The following SOCS6 variants were observed in gnomAD, a reference collection of about 807,000 sequenced individuals.
The protein encoded by SOCS6 is STAT induced STAT inhibitor-4.
In SOCS6, 5 loss-of-function variants were observed where a neutral mutation model predicts 27.7. That is an observed-to-expected ratio of 0.18 (90% CI 0.09 to 0.38). The LOEUF is 0.38. Among genes scored for constraint, SOCS6 ranks in the 10% least tolerant of loss-of-function variants. The pLI is 1.00. For synonymous variants in SOCS6, 271 were observed against 260.0 expected (o/e 1.04, Z -0.41); for missense variants, 595 against 688.1 (o/e 0.86, Z 1.51).
At chr18:70,293,368 C>T (rs954182900) in intron 1 of SOCS6, among the ~76,000 whole-genome samples, 1 of 152,050 alleles carries the variant, frequency 6.6e-6, no homozygotes, top group African/African-American at 2.4e-5. Context: ...ACTGTCACTG[C>T]CTGTAGAGCT....
chr18:70,312,640 GAT>G (rs2062395082), intron 1 of SOCS6, among the ~76,000 whole-genome samples: 1 of 152,152 alleles, frequency 6.6e-6, no homozygotes, highest in African/African-American at 2.4e-5. Flanking sequence ...TAAAAATTGA[GAT>G]ATAATTTGCA....
rs548966973 is a variant in SOCS6, at chr18:70,313,037, C to T, written c.-126-11506C>T. 3.3e-5 allele frequency among the ~76,000 whole-genome samples: 5 copies of T among 152,254 alleles called. No homozygotes were observed. The South Asian group carries it at 1.0e-3, about 32-fold the overall frequency. Reference sequence around the variant, plus strand: ...CCTCGTGATCCACCTGCTTCAGCCTCCCAAAGTGCTGGGATTACAGGCGTG... The same window carrying T: ...CCTCGTGATCCACCTGCTTCAGCCTTCCAAAGTGCTGGGATTACAGGCGTG... On this transcript the variant is annotated intron_variant, in intron 1 of 1. Coordinates refer to ENST00000397942, the MANE Select transcript of SOCS6 (RefSeq NM_004232.4).
chr18:70,306,970 TAAG>T (rs1387504541), intron 1 of SOCS6, among the ~76,000 whole-genome samples: 1 of 152,130 alleles, frequency 6.6e-6, no homozygotes, highest in African/African-American at 2.4e-5. Flanking sequence ...GATGTTTTGT[TAAG>T]AAGTTTTGGC....
chr18:70,297,609 G>T (rs1170698373), intron 1 of SOCS6, among the ~76,000 whole-genome samples: 1 of 152,110 alleles, frequency 6.6e-6, no homozygotes, highest in African/African-American at 2.4e-5. Context: ...GCATCTTTGG[G>T]AACCCACAAT....
rs754128675 is a variant in SOCS6 at position 70,328,062 on chromosome 18, A to G, written c.*1786A>G. On this transcript the variant is annotated 3_prime_UTR_variant, in exon 2 of 2. Transcript: ENST00000397942. ...TTGTTAAAAAGACTCTCATTTTCTC[A>G]TATGTTTTCTCCTAATAAGATGGAA... 1 of 166,920 alleles carries G rather than the reference A, an allele frequency of 6.0e-6. No individual in the cohort carries two copies. The highest frequency in any genetic ancestry group is 6.5e-5 in the Admixed American group (1 of 15,286). 10.3% of individuals were successfully genotyped at this position (166,920 alleles called of 1,614,324 possible).
chr18:70,303,905 G>A (rs1264054569), intron 1 of SOCS6, among the ~76,000 whole-genome samples: 1 of 152,150 alleles, frequency 6.6e-6, no homozygotes, highest in Non-Finnish European at 1.5e-5. Flanking sequence ...AGTTTAATTT[G>A]TATATCTCTG....
At chr18:70,310,011 A>G (rs745597591) in intron 1 of SOCS6, among the ~76,000 whole-genome samples, 2 of 152,234 alleles carry the variant, frequency 1.3e-5, no homozygotes, top group African/African-American at 4.8e-5. Context: ...ATAAATTACT[A>G]TATGTTGTAT....
chr18:70,306,545 G>T (rs2062370523), intron 1 of SOCS6, among the ~76,000 whole-genome samples: 1 of 151,048 alleles, frequency 6.6e-6, no homozygotes, highest in Non-Finnish European at 1.5e-5. Context: ...GAATAAAGAT[G>T]GTTTTATTTC....
At chr18:70,293,832 C>T (rs986425979) in intron 1 of SOCS6, among the ~76,000 whole-genome samples, 6 of 152,124 alleles carry the variant, frequency 3.9e-5, no homozygotes, top group African/African-American at 1.4e-4. Context: ...GTGGCTCGCG[C>T]CTGTAATCCC....
chr18:70,293,759 A>G (rs1004813420), intron 1 of SOCS6, among the ~76,000 whole-genome samples: 1 of 152,072 alleles, frequency 6.6e-6, no homozygotes, highest in African/African-American at 2.4e-5. Context: ...TCCTTTACGT[A>G]TATAATAATG....
intron 1 of SOCS6, among the ~76,000 whole-genome samples, chr18:70,315,243 G>T (rs752491118): frequency 6.6e-6 from 1 of 151,976 alleles, no homozygotes; most frequent in Non-Finnish European, 1.5e-5. Context: ...TTTTCTGTGT[G>T]CTCTGAAGTG....
At chr18:70,306,275 C>G (rs1260153185) in intron 1 of SOCS6, among the ~76,000 whole-genome samples, 9 of 151,176 alleles carry the variant, frequency 6.0e-5, no homozygotes, top group Admixed American at 3.3e-4. Context: ...GAGATCAAGA[C>G]CATCCTGGCC....
At chr18:70,311,931 A>C (rs1439142372) in intron 1 of SOCS6, among the ~76,000 whole-genome samples, 2 of 149,730 alleles carry the variant, frequency 1.3e-5, no homozygotes, top group Non-Finnish European at 3.0e-5. Context: ...GTGAGCTCTA[A>C]AATCAGTTGT....
rs1911302726 is a variant in SOCS6, at chr18:70,328,692, A to C, written c.*2416A>C. ...TGATAAAATCAAACTATTTGCCAAA[A>C]AGTTAAATTTACAAGCAGAAAGATG... is the stretch of plus-strand genomic sequence containing the variant. On this transcript the variant is annotated 3_prime_UTR_variant, in exon 2 of 2. Transcript: ENST00000397942. The C allele has an allele frequency of 6.0e-6, 1 of 166,940 alleles. No individual in the cohort carries two copies. Among genetic ancestry groups the C allele is most frequent in the African/African-American group, 2.4e-5 (1 of 41,414 alleles). The allele number at this position is 166,940 out of a possible 1,614,324, so 10.3% of individuals were successfully genotyped here. A position where few individuals can be genotyped will look rare whatever the true frequency, so the allele number is the denominator to read the frequency against.
intron 1 of SOCS6, among the ~76,000 whole-genome samples, chr18:70,315,305 C>G (rs1200747789): frequency 6.6e-6 from 1 of 151,786 alleles, no homozygotes; most frequent in South Asian, 2.1e-4. Flanking sequence ...TTTTCTTTCT[C>G]CTGAAGGAAA....
intron 1 of SOCS6, among the ~76,000 whole-genome samples, chr18:70,300,581 T>G (rs567408134): frequency 1.3e-5 from 2 of 152,242 alleles, no homozygotes; most frequent in Non-Finnish European, 2.9e-5. Context: ...GGAAAGTTGT[T>G]CATTGCTGGT....
At chr18:70,302,557 T>G (rs2062352941) in intron 1 of SOCS6, among the ~76,000 whole-genome samples, 1 of 152,094 alleles carries the variant, frequency 6.6e-6, no homozygotes. Context: ...CGGAGTTGAA[T>G]TTACTAATAT....
At chr18:70,304,074 G>T (rs1258572180) in intron 1 of SOCS6, among the ~76,000 whole-genome samples, 1 of 152,050 alleles carries the variant, frequency 6.6e-6, no homozygotes, top group Admixed American at 6.5e-5. Flanking sequence ...AAATACAGGA[G>T]GATATATGAT....
At chr18:70,313,352 T>G (rs1404249035) in intron 1 of SOCS6, among the ~76,000 whole-genome samples, 3 of 152,038 alleles carry the variant, frequency 2.0e-5, no homozygotes, top group Admixed American at 1.3e-4. Flanking sequence ...TTTTTTGCTT[T>G]CTTTATGCCA....
Sources: allele counts gnomAD v4.1 joint callset (sites outside exome capture counted in the v4.1 genomes callset), GRCh38; gene constraint gnomAD v4.1.1; transcripts MANE v1.5; gene names NCBI Gene and HGNC (gene_info 2026-07-23, HGNC 2026-07-21).